Variants in GALNT17 observed in about 807,000 individuals in gnomAD.
The protein encoded by GALNT17 is polypeptide N-acetylgalactosaminyltransferase 17.
A neutral mutation model predicts 63.7 loss-of-function variants in GALNT17; 29 were observed. The observed-to-expected ratio is 0.46, with a 90% CI of 0.34 to 0.62. The LOEUF (loss-of-function observed/expected upper bound fraction) is 0.62, where lower values mean the gene tolerates loss of function less well. Among genes scored for constraint, GALNT17 ranks in the 20% least tolerant of loss-of-function variants. GALNT17 has a pLI of 0.01. For synonymous variants in GALNT17, 305 were observed against 318.3 expected (o/e 0.96, Z 0.45); for missense variants, 603 against 799.6 (o/e 0.75, Z 2.97).
intron 1 of GALNT17, among the ~76,000 whole-genome samples, chr7:71,320,199 C>G (rs751435988): frequency 6.6e-6 from 1 of 152,066 alleles, no homozygotes; most frequent in East Asian, 1.9e-4. Flanking sequence ...AGAGGGCAGT[C>G]TGCATTTGCT....
chr7:71,451,810 A>G (rs1006100770), intron 5 of GALNT17, among the ~76,000 whole-genome samples: 4 of 152,162 alleles, frequency 2.6e-5, no homozygotes, highest in Non-Finnish European at 5.9e-5. Flanking sequence ...TCTAAGAGTT[A>G]TTTAGAAGTA....
At chr7:71,227,463 G>A (rs1406614179) in intron 1 of GALNT17, among the ~76,000 whole-genome samples, 1 of 152,056 alleles carries the variant, frequency 6.6e-6, no homozygotes, top group Non-Finnish European at 1.5e-5. Flanking sequence ...GTTCTCTGGA[G>A]GCCAGCCGTC....
At chr7:71,666,364 A>G (rs1438941779) in intron 7 of GALNT17, among the ~76,000 whole-genome samples, 1 of 148,686 alleles carries the variant, frequency 6.7e-6, no homozygotes, top group African/African-American at 2.4e-5. Context: ...TATATAATAT[A>G]AAGATTTATA....
chr7:71,514,823 G>A (rs2116734796), intron 5 of GALNT17, among the ~76,000 whole-genome samples: 1 of 152,268 alleles, frequency 6.6e-6, no homozygotes, highest in East Asian at 1.9e-4. Flanking sequence ...ACCTGATATG[G>A]TTTGGCTGTG....
chr7:71,217,892 C>T (rs1205286136), intron 1 of GALNT17, among the ~76,000 whole-genome samples: 2 of 151,492 alleles, frequency 1.3e-5, no homozygotes, highest in Admixed American at 6.6e-5. Flanking sequence ...CGCACCACTG[C>T]ACTCCAGCCT....
At chr7:71,283,156 C>G (rs548160431) in intron 1 of GALNT17, among the ~76,000 whole-genome samples, 11 of 151,906 alleles carry the variant, frequency 7.2e-5, no homozygotes, top group African/African-American at 1.7e-4. Flanking sequence ...CTCAGCCCCC[C>G]CCAAGTAGCT....
chr7:71,462,635 C>T (rs1787470599), intron 5 of GALNT17, among the ~76,000 whole-genome samples: 1 of 152,142 alleles, frequency 6.6e-6, no homozygotes, highest in Non-Finnish European at 1.5e-5. Flanking sequence ...TTGGTTTGGT[C>T]TGCAAAGGTG....
intron 1 of GALNT17, among the ~76,000 whole-genome samples, chr7:71,286,619 G>T (rs1374959566): frequency 6.6e-6 from 1 of 152,122 alleles, no homozygotes; most frequent in Non-Finnish European, 1.5e-5. Flanking sequence ...GGAGCATTGG[G>T]CACTAATCTG....
intron 6 of GALNT17, among the ~76,000 whole-genome samples, chr7:71,588,559 A>C (rs1789752901): frequency 6.6e-6 from 1 of 152,174 alleles, no homozygotes. Flanking sequence ...CAGTTAACTA[A>C]ACTCAGTTGA....
chr7:71,558,648 A>G (rs1284893690), intron 5 of GALNT17, among the ~76,000 whole-genome samples: 1 of 152,214 alleles, frequency 6.6e-6, no homozygotes, highest in East Asian at 1.9e-4. Context: ...ACAACAGCTT[A>G]ATGTGTCACC....
chr7:71,230,706 T>C (rs1280329019), intron 1 of GALNT17, among the ~76,000 whole-genome samples: 3 of 152,158 alleles, frequency 2.0e-5, no homozygotes, highest in Admixed American at 2.0e-4. Context: ...TTAGGAGCCA[T>C]GGACCCTGCC....
chr7:71,616,704 G>T, intron 6 of GALNT17, among the ~76,000 whole-genome samples: 1 of 14,600 alleles, frequency 6.8e-5, no homozygotes, highest in South Asian at 0.071. Flanking sequence ...AATATATTGT[G>T]ATTGATGTAT....
At chr7:71,698,045 T>C (rs1467030488) in intron 9 of GALNT17, among the ~76,000 whole-genome samples, 12 of 148,210 alleles carry the variant, frequency 8.1e-5, no homozygotes, top group African/African-American at 2.5e-4. Flanking sequence ...ATTGCTTGAA[T>C]CTGGGAGGCA....
intron 8 of GALNT17, among the ~76,000 whole-genome samples, chr7:71,673,582 G>A (rs889820958): frequency 6.6e-6 from 1 of 152,136 alleles, no homozygotes; most frequent in Non-Finnish European, 1.5e-5. Flanking sequence ...CTAATGTCAG[G>A]TGATACTTTC....
chr7:71,365,881 A>G (rs1792495190), intron 2 of GALNT17, among the ~76,000 whole-genome samples: 1 of 152,062 alleles, frequency 6.6e-6, no homozygotes, highest in East Asian at 1.9e-4. Flanking sequence ...TTATTATTAC[A>G]TTGTAATATA....
At chr7:71,485,099 A>G (rs1787888746) in intron 5 of GALNT17, among the ~76,000 whole-genome samples, 1 of 147,970 alleles carries the variant, frequency 6.8e-6, no homozygotes, top group African/African-American at 2.5e-5. Context: ...GTGAGCCACC[A>G]TGCCCAGCCA....
intron 1 of GALNT17, among the ~76,000 whole-genome samples, chr7:71,203,684 C>G (rs1789217081): frequency 6.6e-6 from 1 of 152,156 alleles, no homozygotes; most frequent in Non-Finnish European, 1.5e-5. Flanking sequence ...CTGGCATCTG[C>G]TCAGATTCGA....
chr7:71,679,542 AG>A (rs1335534351), intron 9 of GALNT17, among the ~76,000 whole-genome samples: 1 of 152,142 alleles, frequency 6.6e-6, no homozygotes. Context: ...TTACCCTTGA[AG>A]GGGAGGGACT....
intron 5 of GALNT17, among the ~76,000 whole-genome samples, chr7:71,523,290 G>C (rs754094924): frequency 6.6e-6 from 1 of 152,106 alleles, no homozygotes; most frequent in Admixed American, 6.5e-5. Flanking sequence ...TTAGTCAGGC[G>C]TGGTGGCGCA....
Sources: gnomAD v4.1 joint callset for allele counts (sites outside exome capture counted in the v4.1 genomes callset) on GRCh38, gnomAD v4.1.1 for gene constraint, MANE v1.5 for transcripts, NCBI Gene and HGNC (gene_info 2026-07-23, HGNC 2026-07-21) for gene names.